The following DENR variants were observed in gnomAD, a reference collection of about 807,000 sequenced individuals.
DENR encodes the protein density regulated re-initiation and release factor.
Under a neutral mutation model 30.6 loss-of-function variants are expected in DENR, and 6 were observed. That is an observed-to-expected ratio of 0.20 (90% CI 0.11 to 0.39). The LOEUF (loss-of-function observed/expected upper bound fraction) is 0.39. Among genes scored for constraint, DENR ranks in the 10% least tolerant of loss-of-function variants. The pLI is 1.00. For synonymous variants in DENR, 78 were observed against 72.1 expected (o/e 1.08, Z -0.41); for missense variants, 141 against 230.9 (o/e 0.61, Z 2.52).
chr12:122,765,490 G>A (rs968321873), intron 5 of DENR, 103 bp downstream of exon 5: 9 of 1,026,672 alleles, frequency 8.8e-6, no homozygotes, highest in East Asian at 5.2e-5. Context: ...AATGGTGGGC[G>A]CCTATAGTCA....
chr12:122,767,405 C>G, intron 5 of DENR, 83 bp from the exon 6 acceptor site: 1 of 880,740 alleles, frequency 1.1e-6, no homozygotes, highest in Non-Finnish European at 1.7e-6. Flanking sequence ...GAAACTTAAA[C>G]CTTTTGAGAA....
intron 4 of DENR, among the ~76,000 whole-genome samples, chr12:122,764,533 G>A (rs1878795080): frequency 6.6e-6 from 1 of 152,174 alleles, no homozygotes; most frequent in African/African-American, 2.4e-5. Flanking sequence ...CCGGGAGGCA[G>A]AGCTTGCAGT....
chr12:122,767,591 C>A lies in DENR; in HGVS notation c.399C>A (p.Gly133=). 1 of 1,592,702 alleles carries A rather than the reference C, an allele frequency of 6.3e-7. No individual in the cohort carries two copies. Residue 133 remains glycine, a synonymous_variant, in exon 6 of 8, where the codon GGC becomes GGA. Coordinates refer to ENST00000280557, the MANE Select transcript of DENR (RefSeq NM_003677.5). ...AKKKYVTRVC[G]LATFEIDLKE... ...AGAAATATGTGACAAGAGTATGTGGCCTTGCAACTTTTGGTGAGTTCAGGC... is the reference window on the plus strand; with the variant it reads ...AGAAATATGTGACAAGAGTATGTGGACTTGCAACTTTTGGTGAGTTCAGGC...
chr12:122,755,207 C>T (rs1010880841), intron 2 of DENR, among the ~76,000 whole-genome samples: 3 of 152,262 alleles, frequency 2.0e-5, no homozygotes, highest in Admixed American at 6.5e-5. Context: ...TAGAGAATTG[C>T]TTAGTTGGTG....
At chr12:122,767,097 A>C (rs936514571) in intron 5 of DENR, among the ~76,000 whole-genome samples, 1 of 152,044 alleles carries the variant, frequency 6.6e-6, no homozygotes, top group Non-Finnish European at 1.5e-5. Context: ...TCACAACTCC[A>C]CCTAGATATT....
chr12:122,758,842 T>A (rs900087812), intron 2 of DENR, among the ~76,000 whole-genome samples: 6 of 51,982 alleles, frequency 1.2e-4, no homozygotes, highest in African/African-American at 2.9e-4. Context: ...AGGCTTAATT[T>A]TTTATTTATT....
At chr12:122,754,872 T>C (rs1878505082) in intron 2 of DENR, among the ~76,000 whole-genome samples, 1 of 152,064 alleles carries the variant, frequency 6.6e-6, no homozygotes, top group African/African-American at 2.4e-5. Context: ...GTAAGCAGTA[T>C]AAAAGTGAAT....
intron 2 of DENR, among the ~76,000 whole-genome samples, chr12:122,754,667 AATG>A (rs1244030164): frequency 6.6e-6 from 1 of 152,170 alleles, no homozygotes; most frequent in Non-Finnish European, 1.5e-5. Flanking sequence ...TAGAAGGAGA[AATG>A]ATATCTTTTT....
At chr12:122,762,966 C>A in intron 4 of DENR, 37 bp downstream of exon 4, 1 of 1,194,624 alleles carries the variant, frequency 8.4e-7, no homozygotes, top group Non-Finnish European at 1.2e-6. Context: ...AACTTCTGTA[C>A]CTGAGACAAA....
In DENR at chr12:122,765,360, G is replaced by C; in HGVS notation, c.268G>C (p.Glu90Gln). Residue 90 changes from glutamate (E) to glutamine (Q), a missense_variant, in exon 5 of 8, where the codon GAA becomes CAA. Physicochemically the swap from Glu to Gln is conservative, Grantham distance 29. Coordinates refer to ENST00000280557, the MANE Select transcript of DENR (RefSeq NM_003677.5). The part of the protein sequence containing the change: ...ISEGQGTAGE[E>Q]EEKKKQKRGG... Reference sequence around the variant, plus strand: ...TGAGGGTCAAGGAACAGCAGGGGAAGAAGAGGAGAAGAAAAAACAGAAGAG... The same window carrying C: ...TGAGGGTCAAGGAACAGCAGGGGAACAAGAGGAGAAGAAAAAACAGAAGAG... 1.9e-6 allele frequency: 3 copies of C among 1,551,986 alleles called. No individual in the cohort carries two copies. The highest frequency in any genetic ancestry group is 1.4e-5 in the African/African-American group (1 of 73,164).
rs1878718852 is a variant in DENR, at chr12:122,762,217, T to G, written c.126+11T>G. The G allele has an allele frequency of 1.4e-6, 2 of 1,412,662 alleles. No individual in the cohort carries two copies. The highest frequency in any genetic ancestry group is 2.9e-5 in the African/African-American group (2 of 68,724). The allele number at this position is 1,412,662 out of a possible 1,614,324, so 87.5% of individuals were successfully genotyped here. A position where few individuals can be genotyped will look rare whatever the true frequency, so the allele number is the denominator to read the frequency against. The stretch of plus-strand genomic sequence containing the variant: ...TCATTACCAACAGAGGTAAGTTCTT[T>G]AATTTTTTTTTTTACCTTATGTATT... On this transcript the variant is annotated intron_variant, in intron 3 of 7. Transcript: ENST00000280557.
intron 4 of DENR, among the ~76,000 whole-genome samples, chr12:122,763,960 A>G (rs78119124): frequency 0.063 from 9,648 of 152,236 alleles, 1,051 homozygotes; most frequent in African/African-American, 0.22. Context: ...TACCCAGGGA[A>G]GATTTTGCTG....
chr12:122,755,104 G>A (rs1878511799), intron 2 of DENR, among the ~76,000 whole-genome samples: 1 of 152,142 alleles, frequency 6.6e-6, no homozygotes, highest in South Asian at 2.1e-4. Flanking sequence ...GAGAGAGACA[G>A]TATATGAGCT....
intron 2 of DENR, among the ~76,000 whole-genome samples, chr12:122,758,367 G>C (rs1593760265): frequency 6.6e-6 from 1 of 151,306 alleles, no homozygotes; most frequent in Non-Finnish European, 1.5e-5. Flanking sequence ...ACCAGACCCG[G>C]CCATTCTGAT....
chr12:122,769,023 G>A lies in DENR; in HGVS notation c.553-11G>A, dbSNP rs1393853615. ...CACAACTCATGAGATATAATTATTT[G>A]TGTTTTATAGGTAGATGATGACAGC... On this transcript the variant is annotated splice_polypyrimidine_tract_variant and intron_variant, in intron 7 of 7. Coordinates refer to ENST00000280557, the MANE Select transcript of DENR (RefSeq NM_003677.5). 6.2e-7 allele frequency: 1 copy of A among 1,609,228 alleles called. No individual in the cohort carries two copies. Among genetic ancestry groups the A allele is most frequent in the African/African-American group, 1.3e-5 (1 of 74,654 alleles).
intron 2 of DENR, among the ~76,000 whole-genome samples, chr12:122,757,131 G>A (rs1239883676): frequency 2.0e-5 from 3 of 152,098 alleles, no homozygotes; most frequent in Non-Finnish European, 4.4e-5. Context: ...AAATAGAAGC[G>A]ATAGTGACAT....
intron 2 of DENR, among the ~76,000 whole-genome samples, chr12:122,758,500 TGTG>T (rs1878609718): frequency 6.6e-6 from 1 of 152,198 alleles, no homozygotes; most frequent in South Asian, 2.1e-4. Context: ...CATGTTTCCA[TGTG>T]GTGGTAACTT....
In DENR at chr12:122,762,070, T is replaced by G. The variant is rs1878715152; in HGVS notation, c.107-117T>G. On this transcript the variant is annotated intron_variant, in intron 2 of 7. Transcript: ENST00000280557. ...CATTTGAAAAGTGGTATAGAAAACT[T>G]ATAGGGAAAATGTAAAAATGAAGCA... is the stretch of plus-strand genomic sequence containing the variant. 15 of 663,294 alleles carry G rather than the reference T, an allele frequency of 2.3e-5. 2 individuals carry two copies. The Middle Eastern group carries it at 3.6e-3, about 160-fold the overall frequency. The allele number at this position is 663,294 out of a possible 1,614,324, so 41.1% of individuals were successfully genotyped here.
intron 3 of DENR, among the ~76,000 whole-genome samples, chr12:122,762,448 G>T (rs1397533886): frequency 6.6e-6 from 1 of 152,070 alleles, no homozygotes; most frequent in Admixed American, 6.6e-5. Flanking sequence ...TTTTGCATGG[G>T]ACTTATGAAT....
Sources: allele counts gnomAD v4.1 joint callset (sites outside exome capture counted in the v4.1 genomes callset), GRCh38; gene constraint gnomAD v4.1.1; transcripts MANE v1.5; gene names NCBI Gene and HGNC (gene_info 2026-07-23, HGNC 2026-07-21).